MACROD1: variants seen among roughly 807,000 people sequenced by gnomAD.
MACROD1 encodes mono-ADP ribosylhydrolase 1.
MACROD1 carries 31 observed loss-of-function variants against 41.4 expected under a neutral mutation model. The ratio of observed to expected loss-of-function variants is 0.75; its 90% CI spans 0.56 to 1.01. MACROD1 has a LOEUF of 1.01. Ranked by LOEUF, MACROD1 falls within the 50% of genes least tolerant of loss-of-function variation. The pLI, the probability that MACROD1 is intolerant of heterozygous loss-of-function variation, is 0.00. For synonymous variants in MACROD1, 252 were observed against 203.4 expected (o/e 1.24, Z -2.03); for missense variants, 473 against 460.0 (o/e 1.03, Z -0.26).
At chr11:64,148,933 G>A in intron 3 of MACROD1, 1 of 985,440 alleles carries the variant, frequency 1.0e-6, no homozygotes, top group Non-Finnish European at 1.2e-6. Context: ...CTGGACGGCT[G>A]AAAGGAGACT....
At chr11:64,088,863 C>T (rs891361958) in intron 3 of MACROD1, among the ~76,000 whole-genome samples, 2 of 152,064 alleles carry the variant, frequency 1.3e-5, no homozygotes, top group African/African-American at 2.4e-5. Context: ...TAGGCAGGAT[C>T]GCAGGCGGAA....
intron 1 of MACROD1, among the ~76,000 whole-genome samples, chr11:64,158,337 G>A (rs1590980402): frequency 6.6e-6 from 1 of 152,336 alleles, no homozygotes; most frequent in East Asian, 1.9e-4. Flanking sequence ...CCTGAGGGGT[G>A]ACAAGGAAGG....
At chr11:64,031,077 TGAG>T (rs1055276750) in intron 3 of MACROD1, among the ~76,000 whole-genome samples, 1 of 151,592 alleles carries the variant, frequency 6.6e-6, no homozygotes, top group Non-Finnish European at 1.5e-5. Flanking sequence ...GGGATGAGGA[TGAG>T]GAGGAGGCAG....
At position 64,122,006 on chromosome 11, in the gene MACROD1, A is replaced by T. The variant is rs1163191642; in HGVS notation, c.517+29233T>A. 6.6e-6 allele frequency among the ~76,000 whole-genome samples: 1 copy of T among 151,882 alleles called. No individual in the cohort carries two copies. The highest frequency in any genetic ancestry group is 1.5e-5 in the Non-Finnish European group (1 of 67,966). ...AAGGAAAGGAAAGAAAAGGCAAGGAAGGAGAGAGAGAAGGCACCAGCAGGC... is the reference window on the plus strand; with the variant it reads ...AAGGAAAGGAAAGAAAAGGCAAGGATGGAGAGAGAGAAGGCACCAGCAGGC... On this transcript the variant is annotated intron_variant, in intron 3 of 10. Transcript: ENST00000255681. This position sits in a 1 kb window ranked among gnomAD's most constrained non-coding sequence, Gnocchi z 4.0.
Position 64,123,469 on chromosome 11 carries a change from C to T in MACROD1, c.517+27770G>A, listed in dbSNP as rs780005565. On this transcript the variant is annotated intron_variant, in intron 3 of 10. Coordinates refer to ENST00000255681, the MANE Select transcript of MACROD1 (RefSeq NM_014067.4). ...GAGGTGCAGGGAAAGGGGGATTTTT[C>T]GTGGTTTATGAACCTGCCCCAAGTG... 2.8e-5 allele frequency among the ~76,000 whole-genome samples: 4 copies of T among 141,654 alleles called. No individual in the cohort carries two copies. In the East Asian group the frequency reaches 6.3e-4, roughly 22 times the overall value. 92.9% of individuals were successfully genotyped at this position (141,654 alleles called of 152,430 possible).
At position 64,067,047 on chromosome 11, in the gene MACROD1, C is replaced by G. The variant is rs1565217223; in HGVS notation, c.518-51766G>C. 6.6e-6 allele frequency among the ~76,000 whole-genome samples: 1 copy of G among 152,192 alleles called. No individual in the cohort carries two copies. The highest frequency in any genetic ancestry group is 2.1e-4 in the South Asian group (1 of 4,832). ...AGATTGGATGAGGGGCTCAGGGACC[C>G]CCCATGCCCAATGTCCTGGCTCATT... On this transcript the variant is annotated intron_variant, in intron 3 of 10. Transcript: ENST00000255681. The surrounding 1 kb of genome is among the most constrained non-coding windows in gnomAD (Gnocchi z 4.6).
chr11:64,011,633 C>T (rs946566298), intron 4 of MACROD1, among the ~76,000 whole-genome samples: 2 of 151,950 alleles, frequency 1.3e-5, no homozygotes, highest in African/African-American at 4.8e-5. Context: ...AAACACAAAA[C>T]GCAAGCAGGG....
At chr11:64,143,753 TAC>T (rs55995667) in intron 3 of MACROD1, among the ~76,000 whole-genome samples, 10,284 of 101,434 alleles carry the variant, frequency 0.1, 493 homozygotes, top group South Asian at 0.18. Context: ...GACACACACA[TAC>T]ACACACACAC....
chr11:64,039,419 G>C (rs891630272), intron 3 of MACROD1, among the ~76,000 whole-genome samples: 1 of 152,168 alleles, frequency 6.6e-6, no homozygotes, highest in Non-Finnish European at 1.5e-5. Context: ...TCGGGTGGTA[G>C]CGGGGGGTCC....
rs1942776843 is a variant in MACROD1 at position 63,999,395 on chromosome 11, CAG to C, written c.825_826del (p.Cys276Ter). On this transcript the variant is annotated frameshift_variant, in exon 8 of 11. Coordinates refer to ENST00000255681, the MANE Select transcript of MACROD1 (RefSeq NM_014067.4). LOFTEE classifies it high-confidence loss of function. Reference sequence around the variant, plus strand: ...CAGCACGATCTCGGCGGCCGCCTCACAGGGGTAGCCTGAGGCGGGTGGGGCGG... The same window carrying C: ...CAGCACGATCTCGGCGGCCGCCTCACGGGTAGCCTGAGGCGGGTGGGGCGG... 4 of 1,591,538 alleles carry C rather than the reference CAG, an allele frequency of 2.5e-6. No individual in the cohort carries two copies. Among genetic ancestry groups the C allele is most frequent in the East Asian group, 2.3e-5 (1 of 44,328 alleles).
chr11:64,043,971 G>A (rs1270678652), intron 3 of MACROD1, among the ~76,000 whole-genome samples: 6 of 151,970 alleles, frequency 3.9e-5, no homozygotes, highest in African/African-American at 9.7e-5. Context: ...CCGCCACCAC[G>A]CCGGGCTAAT....
intron 1 of MACROD1, among the ~76,000 whole-genome samples, chr11:64,164,111 CT>C (rs1380076184): frequency 2.0e-5 from 3 of 152,244 alleles, no homozygotes; most frequent in Non-Finnish European, 4.4e-5. Flanking sequence ...ACAATAGATG[CT>C]TTGTAATCCT....
intron 3 of MACROD1, chr11:64,116,069 A>C (rs558406564): frequency 1.4e-6 from 1 of 727,338 alleles, no homozygotes; most frequent in East Asian, 2.7e-5. Context: ...CCTGGCACAA[A>C]GGCCACTCCT....
chr11:64,041,344 C>T (rs1036777683), intron 3 of MACROD1, among the ~76,000 whole-genome samples: 3 of 152,090 alleles, frequency 2.0e-5, no homozygotes. Flanking sequence ...GCCCCCCACC[C>T]CTCCACCCCC....
At chr11:64,079,706 G>A (rs1467847521) in intron 3 of MACROD1, among the ~76,000 whole-genome samples, 1 of 152,070 alleles carries the variant, frequency 6.6e-6, no homozygotes, top group Non-Finnish European at 1.5e-5. Context: ...GGAAGGACTG[G>A]GGATTGGGTT....
chr11:64,042,557 AC>A (rs1183599614), intron 3 of MACROD1, among the ~76,000 whole-genome samples: 1 of 151,586 alleles, frequency 6.6e-6, no homozygotes, highest in Non-Finnish European at 1.5e-5. Context: ...GGGTAGGGCC[AC>A]CCCCTTGGCT....
rs535257355 is a variant in MACROD1, at chr11:64,163,519, T to C, written c.298+2178A>G. Among the ~76,000 whole-genome samples, 64 of 152,286 alleles carry C rather than the reference T, an allele frequency of 4.2e-4. 1 individual carries two copies. In the South Asian group the frequency reaches 0.012, roughly 30 times the overall value. ...CTCACGATCCCTCTCGTGGAGCATA[T>C]GCTCTGGGGGAAAAGCTTAGGACAT... On this transcript the variant is annotated intron_variant, in intron 1 of 10. Coordinates refer to ENST00000255681, the MANE Select transcript of MACROD1 (RefSeq NM_014067.4).
At chr11:64,138,698 G>T (rs1443674029) in intron 3 of MACROD1, among the ~76,000 whole-genome samples, 1 of 152,222 alleles carries the variant, frequency 6.6e-6, no homozygotes, top group African/African-American at 2.4e-5. Context: ...GGCAGCAGCG[G>T]GGAGGAGGAG....
At chr11:64,097,420 G>A (rs927538092) in intron 3 of MACROD1, among the ~76,000 whole-genome samples, 19 of 152,238 alleles carry the variant, frequency 1.2e-4, no homozygotes, top group Non-Finnish European at 8.8e-5. Flanking sequence ...GAGAAGCTCC[G>A]TCCTGGGCGA....
Sources: allele counts gnomAD v4.1 joint callset (sites outside exome capture counted in the v4.1 genomes callset), GRCh38; gene constraint gnomAD v4.1.1; non-coding constraint Gnocchi (gnomAD v3.1); transcripts MANE v1.5; gene names NCBI Gene and HGNC (gene_info 2026-07-23, HGNC 2026-07-21).